Variants in HIVEP2 observed in about 807,000 individuals in gnomAD.
HIVEP2 encodes the protein HIVEP zinc finger 2.
In HIVEP2, 14 loss-of-function variants were observed where a neutral mutation model predicts 180.7. That is an observed-to-expected ratio of 0.08 (90% CI 0.05 to 0.12). HIVEP2 has a LOEUF of 0.12. HIVEP2 is among the 10% of genes least tolerant of loss of function. HIVEP2 has a pLI of 1.00. For synonymous variants in HIVEP2, 1,184 were observed against 1,136.4 expected, an observed-to-expected ratio of 1.04 and a Z score of -0.84; for missense variants, 2,579 against 3,008.5, an observed-to-expected ratio of 0.86 and a Z score of 3.34.
intron 2 of HIVEP2, among the ~76,000 whole-genome samples, chr6:142,808,896 A>C (rs1200119604): frequency 3.3e-5 from 5 of 152,108 alleles, no homozygotes; most frequent in African/African-American, 9.7e-5. Flanking sequence ...GCCATAGTAC[A>C]TATTTGTTCC....
chr6:142,830,924 T>C (rs1022370799), intron 2 of HIVEP2, among the ~76,000 whole-genome samples: 1 of 152,128 alleles, frequency 6.6e-6, no homozygotes, highest in Non-Finnish European at 1.5e-5. Flanking sequence ...ATACTTTCCT[T>C]CATACAGCCA....
At chr6:142,769,489 T>C (rs1775464332) in intron 5 of HIVEP2, 63 bp downstream of exon 5, 2 of 1,398,628 alleles carry the variant, frequency 1.4e-6, no homozygotes, top group African/African-American at 1.4e-5. Flanking sequence ...TATCCTTCAC[T>C]ATGTAGTCTG....
chr6:142,933,549 A>G (rs374503550), intron 1 of HIVEP2, among the ~76,000 whole-genome samples: 1 of 152,216 alleles, frequency 6.6e-6, no homozygotes, highest in Non-Finnish European at 1.5e-5. Context: ...TCTTCACAAT[A>G]TAAATTATTG....
At chr6:142,804,807 T>C (rs1240095016) in intron 2 of HIVEP2, among the ~76,000 whole-genome samples, 3 of 137,578 alleles carry the variant, frequency 2.2e-5, no homozygotes, top group Non-Finnish European at 3.4e-5. Context: ...AGCCTAATAA[T>C]GTGCTTGAGA....
At chr6:142,850,663 T>C (rs1320180192) in intron 1 of HIVEP2, among the ~76,000 whole-genome samples, 1 of 152,236 alleles carries the variant, frequency 6.6e-6, no homozygotes, top group Non-Finnish European at 1.5e-5. Flanking sequence ...CAAACTACTC[T>C]GAGAAACTTT....
chr6:142,886,427 G>A (rs568112387), intron 1 of HIVEP2, among the ~76,000 whole-genome samples: 6 of 152,244 alleles, frequency 3.9e-5, no homozygotes, highest in South Asian at 2.1e-4. Context: ...CAAGCAGGTC[G>A]TTCACAGAAC....
At chr6:142,891,847 C>G (rs565348350) in intron 1 of HIVEP2, among the ~76,000 whole-genome samples, 5 of 152,334 alleles carry the variant, frequency 3.3e-5, no homozygotes, top group African/African-American at 1.2e-4. Context: ...TCCCTCTTAA[C>G]AATATCTGTT....
intron 3 of HIVEP2, among the ~76,000 whole-genome samples, chr6:142,776,932 C>A (rs1019308958): frequency 6.6e-6 from 1 of 151,954 alleles, no homozygotes; most frequent in Non-Finnish European, 1.5e-5. Flanking sequence ...GTGAAGGAGT[C>A]CTCTAGATGA....
In HIVEP2 at chr6:142,945,034, C is replaced by G. The variant is rs1272771862; in HGVS notation, c.-641+65G>C. On this transcript the variant is annotated intron_variant, in intron 1 of 9. Coordinates refer to ENST00000367603, the MANE Select transcript of HIVEP2 (RefSeq NM_006734.4). This position sits in a 1 kb window ranked among gnomAD's most constrained non-coding sequence, Gnocchi z 5.5. The stretch of plus-strand genomic sequence containing the variant: ...CTCGCTCGGCCGCAGGCCGGCGGCC[C>G]GGGCCTCGCGCCGCCAGCCCGCCCG... The G allele has an allele frequency of 6.8e-6, 1 of 146,774 alleles. No individual in the cohort carries two copies. The highest frequency in any genetic ancestry group is 2.4e-5 in the African/African-American group (1 of 40,898). The allele number at this position is 146,774 out of a possible 1,614,324, so 9.1% of individuals were successfully genotyped here. A position where few individuals can be genotyped will look rare whatever the true frequency, so the allele number is the denominator to read the frequency against.
chr6:142,771,254 T>C lies in HIVEP2; in HGVS notation c.3485A>G (p.Asp1162Gly), dbSNP rs1197970780. Residue 1162 changes from aspartate to glycine, a missense_variant, in exon 5 of 10, where the codon GAC becomes GGC. Physicochemically the swap from Asp to Gly is moderately conservative, Grantham distance 94 (BLOSUM62 -1). Around this residue, in one of 11 missense-constraint regions of HIVEP2, gnomAD observed 523 missense variants for 577.0 expected, o/e 0.91. Transcript: ENST00000367603. This position sits in a 1 kb window ranked among gnomAD's most constrained non-coding sequence, Gnocchi z 5.4. ...GGGATTTCTCAAAGATTCCTGACTG[T>C]CCATGTGCATGATCTGTGGCTGGGC... is the stretch of plus-strand genomic sequence containing the variant. ...HLAQPQIMHM[D>G]SQESLRNPLI... 2 of 1,613,964 alleles carry C rather than the reference T, an allele frequency of 1.2e-6. No individual in the cohort carries two copies. The highest frequency in any genetic ancestry group is 1.7e-6 in the Non-Finnish European group (2 of 1,180,030).
At chr6:142,835,706 C>T (rs1287924864) in intron 2 of HIVEP2, among the ~76,000 whole-genome samples, 2 of 152,112 alleles carry the variant, frequency 1.3e-5, no homozygotes, top group Non-Finnish European at 1.5e-5. Flanking sequence ...AACCATGAAC[C>T]TTACGGGCCA....
At chr6:142,866,325 A>T (rs934936349) in intron 1 of HIVEP2, among the ~76,000 whole-genome samples, 8 of 152,220 alleles carry the variant, frequency 5.3e-5, no homozygotes, top group African/African-American at 1.9e-4. Context: ...TACCTGGCAC[A>T]CAGTAAGTGC....
intron 1 of HIVEP2, among the ~76,000 whole-genome samples, chr6:142,858,025 G>A (rs922097233): frequency 3.9e-5 from 6 of 152,188 alleles, no homozygotes; most frequent in African/African-American, 9.7e-5. Context: ...GACCTAGGGC[G>A]ACAGGTGGTT....
chr6:142,851,534 T>C (rs1428731785), intron 1 of HIVEP2, among the ~76,000 whole-genome samples: 1 of 152,256 alleles, frequency 6.6e-6, no homozygotes, highest in African/African-American at 2.4e-5. Context: ...TAATCTTTTA[T>C]GAGGCAGGTA....
rs1776328166 is a variant in HIVEP2, at chr6:142,798,362, C to T, written c.-527-14747G>A. Among the ~76,000 whole-genome samples, 6 of 152,290 alleles carry T rather than the reference C, an allele frequency of 3.9e-5. No individual in the cohort carries two copies. The South Asian group carries it at 1.2e-3, about 32-fold the overall frequency. On this transcript the variant is annotated intron_variant, in intron 2 of 9. Coordinates refer to ENST00000367603, the MANE Select transcript of HIVEP2 (RefSeq NM_006734.4). ...AGCTTTGGCTGAAAGCACACCACCA[C>T]TGTATTGTTGCAATTCATGAATCAA...
rs10717703 is a variant in HIVEP2, at chr6:142,801,191, CAA to C, written c.-527-17578_-527-17577del. ...TATGAGGTCAAGCAGTGGCCAGTGT[CAA>C]AAAAAAAAAAAAAAAAAACGAGGGA... On this transcript the variant is annotated intron_variant, in intron 2 of 9. Coordinates refer to ENST00000367603, the MANE Select transcript of HIVEP2 (RefSeq NM_006734.4). Among the ~76,000 whole-genome samples, 165 of 86,970 alleles carry C rather than the reference CAA, an allele frequency of 1.9e-3. 1 individual carries two copies. Among genetic ancestry groups the C allele is most frequent in the East Asian group, 0.019 (61 of 3,280 alleles). The allele number at this position is 86,970 out of a possible 152,430, so 57.1% of individuals were successfully genotyped here. A position where few individuals can be genotyped will look rare whatever the true frequency, so the allele number is the denominator to read the frequency against.
chr6:142,913,638 C>T (rs1428166853), intron 1 of HIVEP2, among the ~76,000 whole-genome samples: 3 of 152,288 alleles, frequency 2.0e-5, no homozygotes, highest in Middle Eastern at 3.4e-3. Flanking sequence ...AACCAAGTAA[C>T]GTGGTGAGAG....
chr6:142,826,843 T>A (rs1774916996), intron 2 of HIVEP2, among the ~76,000 whole-genome samples: 1 of 152,244 alleles, frequency 6.6e-6, no homozygotes, highest in Admixed American at 6.5e-5. Context: ...TATTGGCTAG[T>A]TTCCTATAAG....
At chr6:142,843,628 T>C (rs1192508343) in intron 1 of HIVEP2, among the ~76,000 whole-genome samples, 3 of 152,200 alleles carry the variant, frequency 2.0e-5, no homozygotes, top group Non-Finnish European at 4.4e-5. Flanking sequence ...TTATAGATAT[T>C]ATCATTGGAA....
Sources: gnomAD v4.1 joint callset for allele counts (sites outside exome capture counted in the v4.1 genomes callset) on GRCh38, gnomAD v4.1.1 for gene constraint, gnomAD v4.1.1 regional missense constraint, Gnocchi (gnomAD v3.1) non-coding constraint, MANE v1.5 for transcripts, NCBI Gene and HGNC (gene_info 2026-07-23, HGNC 2026-07-21) for gene names.